Variants in DPY19L2 observed in about 807,000 individuals in gnomAD.
DPY19L2 encodes the protein dpy-19 like 2.
DPY19L2 carries 34 observed loss-of-function variants against 97.9 expected under a neutral mutation model. The observed-to-expected ratio is 0.35, with a 90% CI of 0.26 to 0.46. The LOEUF (loss-of-function observed/expected upper bound fraction) is 0.46, where lower values mean the gene tolerates loss of function less well. Among genes scored for constraint, DPY19L2 ranks in the 20% least tolerant of loss-of-function variants. The probability of loss-of-function intolerance (pLI) is 1.00; values close to 1 mark genes in which losing one functional copy is unlikely to be tolerated. For synonymous variants in DPY19L2, 230 were observed against 307.9 expected (o/e 0.75, Z 2.65); for missense variants, 623 against 911.4 (o/e 0.68, Z 4.07).
chr12:63,594,236 T>G, intron 15 of DPY19L2, 103 bp from the exon 16 acceptor site: 1 of 917,616 alleles, frequency 1.1e-6, no homozygotes, highest in Non-Finnish European at 1.6e-6. Flanking sequence ...AAGAAGTATT[T>G]TTTAATGTTT....
intron 12 of DPY19L2, among the ~76,000 whole-genome samples, chr12:63,600,873 C>G (rs558749680): frequency 1.3e-5 from 2 of 151,214 alleles, no homozygotes; most frequent in Non-Finnish European, 2.9e-5. Flanking sequence ...GCAAGCTCCG[C>G]CTCCCGGGTT....
intron 6 of DPY19L2, among the ~76,000 whole-genome samples, chr12:63,633,013 T>A (rs1307751933): frequency 6.6e-6 from 1 of 152,276 alleles, no homozygotes; most frequent in African/African-American, 2.4e-5. Flanking sequence ...GCTAGCCATA[T>A]GTAGAAAGCT....
At chr12:63,651,062 A>G (rs931739661) in intron 4 of DPY19L2, among the ~76,000 whole-genome samples, 1 of 152,136 alleles carries the variant, frequency 6.6e-6, no homozygotes, top group African/African-American at 2.4e-5. Flanking sequence ...ACACACATAG[A>G]CCAATGGAAC....
chr12:63,649,439 A>G (rs1288341696), intron 4 of DPY19L2, among the ~76,000 whole-genome samples: 1 of 152,120 alleles, frequency 6.6e-6, no homozygotes, highest in African/African-American at 2.4e-5. Context: ...AGCTAGACTA[A>G]TAAAGAAAAA....
rs567466226 is a variant in DPY19L2 at position 63,650,366 on chromosome 12, C to T, written c.589-3001G>A. Among the ~76,000 whole-genome samples, 18 of 152,202 alleles carry T rather than the reference C, an allele frequency of 1.2e-4. No individual in the cohort carries two copies. In the South Asian group the frequency reaches 1.7e-3, roughly 14 times the overall value. On this transcript the variant is annotated intron_variant, in intron 4 of 21. Transcript: ENST00000324472. Reference sequence around the variant, plus strand: ...AAGAAAATAAATCCATATAGGAAGACGGGAATTCACACTATCTTTTTTGTA... The same window carrying T: ...AAGAAAATAAATCCATATAGGAAGATGGGAATTCACACTATCTTTTTTGTA...
chr12:63,569,615 A>G (rs1361140353), intron 20 of DPY19L2: 1 of 206,056 alleles, frequency 4.9e-6, no homozygotes, highest in African/African-American at 2.3e-5. Context: ...GGTAGCAGAG[A>G]GCAGCTTAGG....
At chr12:63,577,737 C>T (rs1278850747) in intron 19 of DPY19L2, among the ~76,000 whole-genome samples, 1 of 152,182 alleles carries the variant, frequency 6.6e-6, no homozygotes, top group African/African-American at 2.4e-5. Context: ...TAGCATCTCA[C>T]TCCAGTTAAA....
intron 21 of DPY19L2, among the ~76,000 whole-genome samples, chr12:63,562,854 G>T (rs11536199): frequency 6.1e-5 from 9 of 148,382 alleles, no homozygotes; most frequent in Non-Finnish European, 1.3e-4. Context: ...GGAGTGCAAC[G>T]GCACAATCTT....
chr12:63,622,551 A>G (rs1159642927), intron 8 of DPY19L2, among the ~76,000 whole-genome samples: 1 of 152,134 alleles, frequency 6.6e-6, no homozygotes, highest in Non-Finnish European at 1.5e-5. Flanking sequence ...GAGTGCCACA[A>G]ATATTTGCAT....
intron 11 of DPY19L2, among the ~76,000 whole-genome samples, chr12:63,614,353 G>A (rs1887516058): frequency 6.6e-6 from 1 of 152,016 alleles, no homozygotes; most frequent in South Asian, 2.1e-4. Flanking sequence ...AAATAACCAA[G>A]ATAACTGGGA....
intron 9 of DPY19L2, among the ~76,000 whole-genome samples, chr12:63,618,441 C>A (rs1166013615): frequency 6.6e-6 from 1 of 151,946 alleles, no homozygotes; most frequent in Non-Finnish European, 1.5e-5. Context: ...AAGCCACAGA[C>A]TATTAACAAA....
intron 1 of DPY19L2, among the ~76,000 whole-genome samples, chr12:63,666,291 T>C (rs1391658615): frequency 1.3e-5 from 2 of 152,038 alleles, no homozygotes; most frequent in Non-Finnish European, 2.9e-5. Context: ...CAGAAGATGA[T>C]TAAATGCAGG....
intron 6 of DPY19L2, among the ~76,000 whole-genome samples, chr12:63,628,152 C>T (rs566651078): frequency 1.1e-4 from 16 of 152,228 alleles, no homozygotes; most frequent in South Asian, 4.1e-4. Flanking sequence ...ACACAGAGGA[C>T]GGGTGATTTC....
Position 63,638,638 on chromosome 12 carries a change from A to G in DPY19L2, c.803+5765T>C, listed in dbSNP as rs142388383. On this transcript the variant is annotated intron_variant, in intron 6 of 21. Transcript: ENST00000324472. The stretch of plus-strand genomic sequence containing the variant: ...TTCAAAGAGAATACCTAGGAATCCA[A>G]CTCACAAGGGATGCGAAGGACCTCT... Among the ~76,000 whole-genome samples the G allele has an allele frequency of 9.9e-5, 15 of 152,232 alleles. No homozygotes were observed. The East Asian group carries it at 2.9e-3, about 29-fold the overall frequency.
At chr12:63,639,706 T>C (rs1480926797) in intron 6 of DPY19L2, among the ~76,000 whole-genome samples, 1 of 152,124 alleles carries the variant, frequency 6.6e-6, no homozygotes, top group African/African-American at 2.4e-5. Context: ...AAACAACAGG[T>C]GCCGGAGAGG....
intron 11 of DPY19L2, among the ~76,000 whole-genome samples, chr12:63,612,557 CA>C (rs1256929565): frequency 8.2e-6 from 1 of 121,746 alleles, no homozygotes; most frequent in South Asian, 2.5e-4. Flanking sequence ...TGTTTAAAAA[CA>C]AAAAACAAGA....
rs1318541208 is a variant in DPY19L2 at position 63,582,488 on chromosome 12, G to A, written c.1643C>T (p.Ala548Val). 1 of 1,613,320 alleles carries A rather than the reference G, an allele frequency of 6.2e-7. No homozygotes were observed. Among genetic ancestry groups the A allele is most frequent in the Admixed American group, 1.7e-5 (1 of 59,982 alleles). The part of the protein sequence containing the change: ...FHTLQLLVFT[A>V]LAILIMRLKM... ...TAGCCTCATAATTAAAATGGCAAGG[G>A]CAGTAAACACTAACAACTGCAATGT... Residue 548 changes from alanine to valine, a missense_variant, in exon 18 of 22, where the codon GCC (alanine) becomes GTC (valine). Coordinates refer to ENST00000324472, the MANE Select transcript of DPY19L2 (RefSeq NM_173812.5).
At chr12:63,589,334 T>C (rs550468261) in intron 16 of DPY19L2, among the ~76,000 whole-genome samples, 18 of 102,418 alleles carry the variant, frequency 1.8e-4, no homozygotes, top group African/African-American at 6.6e-4. Flanking sequence ...AGTTTGGTAA[T>C]GTGGCTAGAT....
intron 6 of DPY19L2, among the ~76,000 whole-genome samples, chr12:63,630,710 G>T: frequency 6.6e-6 from 1 of 151,572 alleles, no homozygotes; most frequent in East Asian, 1.9e-4. Flanking sequence ...CTCTGCACCA[G>T]GCGCACCTAA....
Sources: gnomAD v4.1 joint callset for allele counts (sites outside exome capture counted in the v4.1 genomes callset) on GRCh38, gnomAD v4.1.1 for gene constraint, MANE v1.5 for transcripts, NCBI Gene and HGNC (gene_info 2026-07-23, HGNC 2026-07-21) for gene names.